DPP10: variants seen among roughly 807,000 people sequenced by gnomAD.
DPP10 encodes inactive dipeptidyl peptidase 10.
Under a neutral mutation model 120.9 loss-of-function variants are expected in DPP10, and 33 were observed. The observed-to-expected ratio is 0.27, with a 90% CI of 0.21 to 0.37. The LOEUF (loss-of-function observed/expected upper bound fraction) is 0.37. Among genes scored for constraint, DPP10 ranks in the 10% least tolerant of loss-of-function variants. The pLI is 1.00. For missense variants in DPP10, 816 were observed against 942.8 expected, an observed-to-expected ratio of 0.87 and a Z score of 1.76; for synonymous variants, 337 against 326.1, an observed-to-expected ratio of 1.03 and a Z score of -0.36.
chr2:115,223,495 A>G (rs1237214234), intron 1 of DPP10, among the ~76,000 whole-genome samples: 1 of 152,164 alleles, frequency 6.6e-6, no homozygotes, highest in Non-Finnish European at 1.5e-5. Context: ...GGAAACTAAA[A>G]TTTAGATAAG....
At chr2:115,349,268 G>A (rs755819714) in intron 3 of DPP10, among the ~76,000 whole-genome samples, 7 of 152,098 alleles carry the variant, frequency 4.6e-5, no homozygotes. Flanking sequence ...TGTAACGTGT[G>A]ACAGTATAAT....
At chr2:115,618,719 A>C (rs1461874931) in intron 5 of DPP10, among the ~76,000 whole-genome samples, 1 of 152,180 alleles carries the variant, frequency 6.6e-6, no homozygotes, top group East Asian at 1.9e-4. Flanking sequence ...ACTGCAAAAC[A>C]CTAAGGAATA....
intron 1 of DPP10, among the ~76,000 whole-genome samples, chr2:115,059,352 C>CT (rs70941024): frequency 0.42 from 56,697 of 135,554 alleles, 11,880 homozygotes; most frequent in South Asian, 0.47. Context: ...GTAGGTATTT[C>CT]TTTTTTTTTT....
At chr2:115,508,625 C>T (rs2077070539) in intron 4 of DPP10, among the ~76,000 whole-genome samples, 1 of 152,124 alleles carries the variant, frequency 6.6e-6, no homozygotes, top group African/African-American at 2.4e-5. Flanking sequence ...TGAAGATGAG[C>T]CGGGCTCAAT....
At chr2:115,367,270 T>C (rs1367209386) in intron 3 of DPP10, among the ~76,000 whole-genome samples, 1 of 151,948 alleles carries the variant, frequency 6.6e-6, no homozygotes, top group Non-Finnish European at 1.5e-5. Flanking sequence ...GTGTGTGTTG[T>C]TTTTAAACTA....
intron 3 of DPP10, among the ~76,000 whole-genome samples, chr2:115,418,763 A>C (rs1275666925): frequency 7.7e-6 from 1 of 129,158 alleles, no homozygotes; most frequent in African/African-American, 2.6e-5. Context: ...ACAGAGTGAG[A>C]TCCTGTCTCA....
intron 1 of DPP10, among the ~76,000 whole-genome samples, chr2:114,631,080 C>T (rs981826796): frequency 3.9e-5 from 6 of 152,024 alleles, no homozygotes; most frequent in Admixed American, 1.3e-4. Flanking sequence ...AGTTTATCAG[C>T]ATATAGTTTA....
At chr2:114,512,792 G>A (rs1178339887) in intron 1 of DPP10, among the ~76,000 whole-genome samples, 3 of 152,230 alleles carry the variant, frequency 2.0e-5, no homozygotes, top group Non-Finnish European at 4.4e-5. Flanking sequence ...CCAGGTGCCA[G>A]TAGCAGGCCT....
chr2:115,831,060 T>C (rs1688870272), intron 21 of DPP10, among the ~76,000 whole-genome samples: 1 of 152,132 alleles, frequency 6.6e-6, no homozygotes, highest in Non-Finnish European at 1.5e-5. Context: ...ATTATAGGTA[T>C]TGTGATAAAA....
At chr2:115,339,049 C>T (rs915410618) in intron 2 of DPP10, among the ~76,000 whole-genome samples, 8 of 152,066 alleles carry the variant, frequency 5.3e-5, no homozygotes, top group African/African-American at 1.7e-4. Flanking sequence ...TTGAAATTCA[C>T]GTATCTGACA....
rs143466475 is a variant in DPP10 at position 115,600,594 on chromosome 2, T to C, written c.441+74622T>C. ...AAAAAGATTTCTGTTTGATTGCCTC[T>C]AAAGCGTAGCTCATTCACATTTAAT... On this transcript the variant is annotated intron_variant, in intron 5 of 25. Transcript: ENST00000410059. Among the ~76,000 whole-genome samples, 317 of 152,338 alleles carry C rather than the reference T, an allele frequency of 2.1e-3. 3 individuals carry two copies. Among genetic ancestry groups the C allele is most frequent in the African/African-American group, 7.0e-3 (291 of 41,592 alleles).
intron 1 of DPP10, among the ~76,000 whole-genome samples, chr2:114,797,660 G>T (rs1346392091): frequency 6.6e-6 from 1 of 152,080 alleles, no homozygotes; most frequent in Non-Finnish European, 1.5e-5. Flanking sequence ...TATACATGAG[G>T]CCATACTGAT....
Position 115,617,269 on chromosome 2 carries a change from T to TTTATATATATATATATATATATATA in DPP10, c.442-72416_442-72415insATATATATATATATATATATATATT, listed in dbSNP as rs1558931363. 1.1e-3 allele frequency among the ~76,000 whole-genome samples: 18 copies of TTTATATATATATATATATATATATA among 16,906 alleles called. 1 individual carries two copies. Among genetic ancestry groups the TTTATATATATATATATATATATATA allele is most frequent in the African/African-American group, 2.3e-3 (17 of 7,398 alleles). The allele number at this position is 16,906 out of a possible 152,430, so 11.1% of individuals were successfully genotyped here. A position where few individuals can be genotyped will look rare whatever the true frequency, so the allele number is the denominator to read the frequency against. On this transcript the variant is annotated intron_variant, in intron 5 of 25. Transcript: ENST00000410059. ...TATGTATGTATGGGTATATATATAT[T>TTTATATATATATATATATATATATA]TTTTATATATATATATATATACACA...
intron 3 of DPP10, among the ~76,000 whole-genome samples, chr2:115,382,047 C>T (rs1276467484): frequency 2.0e-5 from 3 of 152,202 alleles, no homozygotes. Context: ...CCTACAGAGG[C>T]AGGCAGGCCT....
At chr2:115,161,312 T>C (rs1258827110) in intron 1 of DPP10, 1 of 152,272 alleles carries the variant, frequency 6.6e-6, no homozygotes, top group Admixed American at 6.5e-5. Flanking sequence ...CCCTGCCTTC[T>C]GGGGCGCTGG....
At chr2:115,347,574 C>A (rs186587312) in intron 3 of DPP10, among the ~76,000 whole-genome samples, 3 of 152,172 alleles carry the variant, frequency 2.0e-5, no homozygotes, top group African/African-American at 7.2e-5. Flanking sequence ...TGGTGGTTTG[C>A]TGCACCCATC....
chr2:115,804,035 T>G (rs1270644226), intron 19 of DPP10, among the ~76,000 whole-genome samples: 1 of 152,164 alleles, frequency 6.6e-6, no homozygotes, highest in Non-Finnish European at 1.5e-5. Context: ...TTTTCCAACT[T>G]GGTTCCATTC....
At chr2:115,523,727 A>G (rs1284695215) in intron 4 of DPP10, among the ~76,000 whole-genome samples, 1 of 152,156 alleles carries the variant, frequency 6.6e-6, no homozygotes, top group African/African-American at 2.4e-5. Context: ...AAATTTCAAT[A>G]TACAATAAAG....
intron 1 of DPP10, among the ~76,000 whole-genome samples, chr2:114,518,184 T>C (rs1189802649): frequency 1.3e-5 from 2 of 150,638 alleles, no homozygotes; most frequent in African/African-American, 2.4e-5. Flanking sequence ...TTCAGGTGAT[T>C]CTCCTGCCTC....
Sources: gnomAD v4.1 joint callset for allele counts (sites outside exome capture counted in the v4.1 genomes callset) on GRCh38, gnomAD v4.1.1 for gene constraint, MANE v1.5 for transcripts, NCBI Gene and HGNC (gene_info 2026-07-23, HGNC 2026-07-21) for gene names.